Variants in MYO5B observed in about 807,000 individuals in gnomAD.
MYO5B encodes myosin VB.
In MYO5B, 143 loss-of-function variants were observed where a neutral mutation model predicts 229.3. The ratio of observed to expected loss-of-function variants is 0.62; its 90% CI spans 0.54 to 0.72. The LOEUF (loss-of-function observed/expected upper bound fraction) is 0.72. Among genes scored for constraint, MYO5B ranks in the 30% least tolerant of loss-of-function variants. The pLI, the probability that MYO5B is intolerant of heterozygous loss-of-function variation, is 0.00. For synonymous variants in MYO5B, 918 were observed against 885.2 expected (o/e 1.04, Z -0.66); for missense variants, 2,321 against 2,331.0 (o/e 1.00, Z 0.09).
Position 50,001,382 on chromosome 18 carries a change from C to A in MYO5B, c.485G>T (p.Ser162Ile), listed in dbSNP as rs1276738937. ...CGTCTTCCCGGCTCCAGACTCCCCACTGACTATGATGGACTGATTCTTCTC... is the reference window on the plus strand; with the variant it reads ...CGTCTTCCCGGCTCCAGACTCCCCAATGACTATGATGGACTGATTCTTCTC... Reference protein sequence around the residue: ...RDEKNQSIIVSGESGAGKTVS... With the variant: ...RDEKNQSIIVIGESGAGKTVS... Residue 162 changes from serine (S) to isoleucine (I), a missense_variant, in exon 5 of 40, where the codon AGT becomes ATT. Around this residue, in one of 2 missense-constraint regions of MYO5B, gnomAD observed 2,113 missense variants for 2,044.7 expected, o/e 1.03. Coordinates refer to ENST00000285039, the MANE Select transcript of MYO5B (RefSeq NM_001080467.3). The A allele has an allele frequency of 6.2e-7, 1 of 1,614,194 alleles. No individual in the cohort carries two copies. Among genetic ancestry groups the A allele is most frequent in the South Asian group, 1.1e-5 (1 of 91,076 alleles).
At chr18:50,164,949 A>C (rs2032822121) in intron 1 of MYO5B, among the ~76,000 whole-genome samples, 1 of 152,192 alleles carries the variant, frequency 6.6e-6, no homozygotes, top group African/African-American at 2.4e-5. Context: ...TCAACAGATC[A>C]CTTTGTGGAG....
chr18:50,127,281 T>C (rs1425926544), intron 1 of MYO5B, among the ~76,000 whole-genome samples: 2 of 152,354 alleles, frequency 1.3e-5, no homozygotes, highest in South Asian at 2.1e-4. Flanking sequence ...TCCTTTCTTC[T>C]AGTGCCTGTA....
intron 1 of MYO5B, among the ~76,000 whole-genome samples, chr18:50,068,249 T>A (rs1045836150): frequency 2.6e-5 from 4 of 152,248 alleles, no homozygotes; most frequent in Non-Finnish European, 5.9e-5. Context: ...CACATCCCTA[T>A]TTTAACAAGT....
In MYO5B at chr18:49,997,560, T is replaced by C. The variant is rs531754173; in HGVS notation, c.612+3695A>G. Among the ~76,000 whole-genome samples, 5 of 152,102 alleles carry C rather than the reference T, an allele frequency of 3.3e-5. No homozygotes were observed. In the East Asian group the frequency reaches 9.7e-4, roughly 29 times the overall value. Reference sequence around the variant, plus strand: ...TGATATCTCTGGCCTAAACTTGGGTTCTGTTCCTCCTCTAACAGTCTCTTG... The same window carrying C: ...TGATATCTCTGGCCTAAACTTGGGTCCTGTTCCTCCTCTAACAGTCTCTTG... On this transcript the variant is annotated intron_variant, in intron 5 of 39. Coordinates refer to ENST00000285039, the MANE Select transcript of MYO5B (RefSeq NM_001080467.3).
At chr18:50,100,904 T>C (rs1341849059) in intron 1 of MYO5B, among the ~76,000 whole-genome samples, 2 of 152,080 alleles carry the variant, frequency 1.3e-5, no homozygotes, top group Non-Finnish European at 2.9e-5. Flanking sequence ...GAACTCTGCT[T>C]TGGGAGGGAC....
intron 1 of MYO5B, among the ~76,000 whole-genome samples, chr18:50,081,843 T>C (rs1393239900): frequency 2.0e-5 from 3 of 152,074 alleles, no homozygotes; most frequent in African/African-American, 4.8e-5. Flanking sequence ...AAGACAACTG[T>C]GGATGGGGAG....
intron 1 of MYO5B, among the ~76,000 whole-genome samples, chr18:50,105,143 GA>G (rs2031731605): frequency 6.6e-6 from 1 of 151,146 alleles, no homozygotes; most frequent in South Asian, 2.1e-4. Context: ...GCTGGAAGAA[GA>G]AAAAAGACCG....
chr18:50,079,711 T>C (rs1055029834), intron 1 of MYO5B, among the ~76,000 whole-genome samples: 3 of 151,782 alleles, frequency 2.0e-5, no homozygotes, highest in Non-Finnish European at 4.4e-5. Flanking sequence ...CAGCAAAAGG[T>C]GGCATGGGAT....
intron 1 of MYO5B, among the ~76,000 whole-genome samples, chr18:50,116,024 C>T (rs910212402): frequency 1.3e-5 from 2 of 152,152 alleles, no homozygotes; most frequent in Non-Finnish European, 2.9e-5. Context: ...TTTCCATCCC[C>T]CCATCTCTTC....
intron 9 of MYO5B, 149 bp from the exon 10 acceptor site, chr18:49,974,764 G>A: frequency 8.4e-6 from 3 of 356,078 alleles, no homozygotes; most frequent in Non-Finnish European, 9.2e-6. Context: ...CCTGCTGCCA[G>A]CCCAGCAGTC....
chr18:49,840,608 G>A (rs1382136026), intron 35 of MYO5B: 2 of 152,318 alleles, frequency 1.3e-5, no homozygotes, highest in Non-Finnish European at 2.9e-5. Context: ...AAGAAAAGTT[G>A]GAAGACCTAC....
At chr18:49,984,903 C>G in intron 7 of MYO5B, 78 bp from the exon 8 acceptor site, 1 of 1,047,930 alleles carries the variant, frequency 9.5e-7, no homozygotes, top group Middle Eastern at 2.0e-4. Flanking sequence ...GAAAATTCTA[C>G]TCCGTTAGCA....
intron 1 of MYO5B, among the ~76,000 whole-genome samples, chr18:50,184,802 G>A (rs1475855537): frequency 1.3e-5 from 2 of 152,042 alleles, no homozygotes; most frequent in African/African-American, 4.8e-5. Context: ...ACTTTGGGAG[G>A]CTGAGGTGGG....
intron 2 of MYO5B, among the ~76,000 whole-genome samples, chr18:50,041,127 T>C (rs1321970446): frequency 3.3e-5 from 5 of 152,198 alleles, no homozygotes; most frequent in African/African-American, 7.2e-5. Flanking sequence ...AAGATTCTTA[T>C]GGTGTTCTTA....
At chr18:49,886,313 C>G (rs1282818603) in intron 22 of MYO5B, among the ~76,000 whole-genome samples, 1 of 152,168 alleles carries the variant, frequency 6.6e-6, no homozygotes, top group Non-Finnish European at 1.5e-5. Flanking sequence ...TCAATTCAAG[C>G]AGACTCAGTT....
chr18:49,885,813 A>C (rs1258712841), intron 22 of MYO5B, among the ~76,000 whole-genome samples: 1 of 152,058 alleles, frequency 6.6e-6, no homozygotes, highest in Non-Finnish European at 1.5e-5. Context: ...TGCCTCAGCT[A>C]CTCTGGGGAG....
At chr18:50,039,012 T>C (rs2144387623) in intron 3 of MYO5B, among the ~76,000 whole-genome samples, 1 of 152,252 alleles carries the variant, frequency 6.6e-6, no homozygotes, top group African/African-American at 2.4e-5. Context: ...TCACCCTAAC[T>C]TAGCAGCTAA....
intron 21 of MYO5B, among the ~76,000 whole-genome samples, chr18:49,901,468 G>A (rs899281619): frequency 1.3e-5 from 2 of 152,332 alleles, no homozygotes; most frequent in Non-Finnish European, 2.9e-5. Context: ...TGGCTGACAT[G>A]GGAAGGTGGC....
chr18:50,119,932 C>T (rs1237421379), intron 1 of MYO5B, among the ~76,000 whole-genome samples: 4 of 151,990 alleles, frequency 2.6e-5, no homozygotes, highest in Admixed American at 2.0e-4. Context: ...GGGCTAGAAC[C>T]AAGAGAGAGG....
Sources: gnomAD v4.1 joint callset for allele counts (sites outside exome capture counted in the v4.1 genomes callset) on GRCh38, gnomAD v4.1.1 for gene constraint, gnomAD v4.1.1 regional missense constraint, MANE v1.5 for transcripts, NCBI Gene and HGNC (gene_info 2026-07-23, HGNC 2026-07-21) for gene names.